COL12A1: variants seen among roughly 807,000 people sequenced by gnomAD.
COL12A1 encodes collagen alpha-1(XII) chain.
Under a neutral mutation model 349.7 loss-of-function variants are expected in COL12A1, and 114 were observed. That is an observed-to-expected ratio of 0.33 (90% CI 0.28 to 0.38). COL12A1 has a LOEUF of 0.38. Ranked by LOEUF, COL12A1 falls within the 10% of genes least tolerant of loss-of-function variation. The probability of loss-of-function intolerance (pLI) is 1.00; values close to 1 mark genes in which losing one functional copy is unlikely to be tolerated. For missense variants in COL12A1, 3,284 were observed against 3,756.9 expected, an observed-to-expected ratio of 0.87 and a Z score of 3.29; for synonymous variants, 1,369 against 1,329.0, an observed-to-expected ratio of 1.03 and a Z score of -0.66.
At position 75,142,041 on chromosome 6, in the gene COL12A1, C is replaced by A. The variant is rs1363759341; in HGVS notation, c.4948G>T (p.Glu1650Ter). Residue 1650 changes from glutamate (E) to a stop codon, truncating the protein, a stop_gained, in exon 27 of 66, where the codon GAA becomes TAA. Coordinates refer to ENST00000322507, the MANE Select transcript of COL12A1 (RefSeq NM_004370.6). LOFTEE classifies it high-confidence loss of function. ...CAGGAGCACAACTCACGGGTAGTTT[C>A]TTGAGCAGTCACTGGAGGAGACTCC... ...EGESPPVTAQ[E>*]TTRPVPAPTN... 4 of 1,614,088 alleles carry A rather than the reference C, an allele frequency of 2.5e-6. No individual in the cohort carries two copies. The highest frequency in any genetic ancestry group is 1.1e-5 in the South Asian group (1 of 91,074).
In COL12A1 at chr6:75,183,960, G is replaced by C; in HGVS notation, c.1182C>G (p.Leu394=). 2 of 1,614,188 alleles carry C rather than the reference G, an allele frequency of 1.2e-6. No individual in the cohort carries two copies. The highest frequency in any genetic ancestry group is 1.7e-6 in the Non-Finnish European group (2 of 1,180,038). Residue 394 remains leucine, a synonymous_variant, in exon 9 of 66, where the codon CTC becomes CTG. Coordinates refer to ENST00000322507, the MANE Select transcript of COL12A1 (RefSeq NM_004370.6). ...TGATCTGGTATTCTGTGTCTGCTGA[G>C]AGGTCGCGAACACTGAGCGTGGTTG... ...PQTTTLSVRD[L]SADTEYQISV...
intron 8 of COL12A1, among the ~76,000 whole-genome samples, chr6:75,187,998 TC>T (rs1582205857): frequency 6.6e-6 from 1 of 152,124 alleles, no homozygotes; most frequent in East Asian, 1.9e-4. Flanking sequence ...CAAATGTCTT[TC>T]CAGCCCATCA....
chr6:75,145,045 T>C lies in COL12A1; in HGVS notation c.4690+281A>G, dbSNP rs571044669. On this transcript the variant is annotated intron_variant, in intron 25 of 65. Transcript: ENST00000322507. ...ATTGTCTTATGCTGTACATTCTGATTGGCACCTAGCCAAGAGCAATAATAG... is the reference window on the plus strand; with the variant it reads ...ATTGTCTTATGCTGTACATTCTGATCGGCACCTAGCCAAGAGCAATAATAG... 3.3e-5 allele frequency among the ~76,000 whole-genome samples: 5 copies of C among 152,304 alleles called. No homozygotes were observed. In the East Asian group the frequency reaches 9.6e-4, roughly 29 times the overall value.
In COL12A1 at chr6:75,160,178, T is replaced by C. The variant is rs141167098; in HGVS notation, c.2984-3655A>G. 1.5e-3 allele frequency among the ~76,000 whole-genome samples: 228 copies of C among 152,306 alleles called. 3 individuals carry two copies. The East Asian group carries it at 0.029, about 19-fold the overall frequency. On this transcript the variant is annotated intron_variant, in intron 14 of 65. Coordinates refer to ENST00000322507, the MANE Select transcript of COL12A1 (RefSeq NM_004370.6). ...CCTCTCACATTGTAAGTTCTTTTCA[T>C]GTGTTAGTAACTATCACCAGACACT...
At chr6:75,092,938 A>G (rs1315677826) in intron 60 of COL12A1, among the ~76,000 whole-genome samples, 2 of 152,054 alleles carry the variant, frequency 1.3e-5, no homozygotes, top group Non-Finnish European at 2.9e-5. Flanking sequence ...TTCCTTTCAC[A>G]TGTCAGTCTC....
chr6:75,131,640 G>A (rs1766305023), intron 35 of COL12A1, among the ~76,000 whole-genome samples: 1 of 152,172 alleles, frequency 6.6e-6, no homozygotes, highest in African/African-American at 2.4e-5. Context: ...CAATTTGTAA[G>A]AACCAGTGAA....
chr6:75,099,328 A>C (rs1024549097), intron 58 of COL12A1, among the ~76,000 whole-genome samples: 4 of 152,204 alleles, frequency 2.6e-5, no homozygotes, highest in Non-Finnish European at 5.9e-5. Context: ...TGTAACACCA[A>C]TATCACTTCT....
chr6:75,108,958 GA>G, intron 52 of COL12A1, 59 bp downstream of exon 52: 1 of 1,532,126 alleles, frequency 6.5e-7, no homozygotes. Flanking sequence ...GAGTTGTTTA[GA>G]AAAATGCCAT....
At chr6:75,125,399 TACTC>T in intron 39 of COL12A1, 126 bp from the exon 40 acceptor site, 2 of 794,776 alleles carry the variant, frequency 2.5e-6, no homozygotes, top group East Asian at 2.9e-5. Flanking sequence ...CTCATACACT[TACTC>T]ACTGGGGCAC....
chr6:75,177,165 G>C, intron 12 of COL12A1, among the ~76,000 whole-genome samples: 1 of 152,100 alleles, frequency 6.6e-6, no homozygotes, highest in Non-Finnish European at 1.5e-5. Flanking sequence ...GGCCGGGCGT[G>C]GTGGCTCACG....
intron 53 of COL12A1, among the ~76,000 whole-genome samples, chr6:75,105,834 C>T (rs1346203135): frequency 2.0e-5 from 3 of 152,128 alleles, no homozygotes; most frequent in African/African-American, 7.2e-5. Context: ...GGAATACTCA[C>T]TTTTTACTGG....
intron 14 of COL12A1, among the ~76,000 whole-genome samples, chr6:75,161,694 T>C (rs190497700): frequency 4.6e-5 from 7 of 152,234 alleles, no homozygotes; most frequent in Non-Finnish European, 2.9e-5. Context: ...GGCATTCAAT[T>C]AGGAAAAGAG....
rs779800232 is a variant in COL12A1 at position 75,191,761 on chromosome 6, C to T, written c.335-1G>A. 1.9e-6 allele frequency: 3 copies of T among 1,588,088 alleles called. No homozygotes were observed. Among genetic ancestry groups the T allele is most frequent in the East Asian group, 4.6e-5 (2 of 43,250 alleles). On this transcript the variant is annotated splice_acceptor_variant, in intron 4 of 65. Coordinates refer to ENST00000322507, the MANE Select transcript of COL12A1 (RefSeq NM_004370.6). LOFTEE classifies it high-confidence loss of function. Reference sequence around the variant, plus strand: ...GGCTTTGTCGAACTACCTGTTTGAACTAAGTTAAAACTTTATTATTACAAA... The same window carrying T: ...GGCTTTGTCGAACTACCTGTTTGAATTAAGTTAAAACTTTATTATTACAAA...
At chr6:75,163,885 A>G (rs1768146934) in intron 14 of COL12A1, among the ~76,000 whole-genome samples, 1 of 152,192 alleles carries the variant, frequency 6.6e-6, no homozygotes, top group African/African-American at 2.4e-5. Context: ...TTGGAAAAAG[A>G]CAAAACGGAG....
At chr6:75,107,416 G>A (rs558848645) in intron 52 of COL12A1, among the ~76,000 whole-genome samples, 2 of 151,888 alleles carry the variant, frequency 1.3e-5, no homozygotes, top group South Asian at 2.1e-4. Flanking sequence ...CATTACAGGC[G>A]CCCACTACCA....
intron 63 of COL12A1, among the ~76,000 whole-genome samples, chr6:75,089,686 A>G (rs561661831): frequency 6.8e-4 from 103 of 152,292 alleles, no homozygotes; most frequent in African/African-American, 2.2e-3. Flanking sequence ...ATACCATGAA[A>G]TTAGAGCCAA....
At chr6:75,196,547 T>C (rs1770235988) in intron 2 of COL12A1, among the ~76,000 whole-genome samples, 1 of 152,188 alleles carries the variant, frequency 6.6e-6, no homozygotes, top group Non-Finnish European at 1.5e-5. Context: ...ACACAGGCAG[T>C]GAGATTAGAC....
At chr6:75,153,303 G>A (rs894563188) in intron 17 of COL12A1, among the ~76,000 whole-genome samples, 3 of 152,098 alleles carry the variant, frequency 2.0e-5, no homozygotes, top group African/African-American at 7.2e-5. Flanking sequence ...CATAGGAAAA[G>A]CTTTGGAAAG....
At chr6:75,131,765 T>G (rs1766309778) in intron 35 of COL12A1, among the ~76,000 whole-genome samples, 175 bp downstream of exon 35, 1 of 152,230 alleles carries the variant, frequency 6.6e-6, no homozygotes, top group Non-Finnish European at 1.5e-5. Flanking sequence ...CCCAAAATTC[T>G]TTTTATTCTT....
Sources: gnomAD v4.1 joint callset for allele counts (sites outside exome capture counted in the v4.1 genomes callset) on GRCh38, gnomAD v4.1.1 for gene constraint, MANE v1.5 for transcripts, NCBI Gene and HGNC (gene_info 2026-07-23, HGNC 2026-07-21) for gene names.